CNTNAP2: variants seen among roughly 807,000 people sequenced by gnomAD.
The protein encoded by CNTNAP2 is contactin-associated protein-like 2.
Under a neutral mutation model 155.2 loss-of-function variants are expected in CNTNAP2, and 98 were observed. That is an observed-to-expected ratio of 0.63 (90% CI 0.54 to 0.75). The LOEUF is 0.75. Ranked by LOEUF, CNTNAP2 falls within the 30% of genes least tolerant of loss-of-function variation. The probability of loss-of-function intolerance (pLI) is 0.00; values close to 1 mark genes in which losing one functional copy is unlikely to be tolerated. For synonymous variants in CNTNAP2, 651 were observed against 631.2 expected (o/e 1.03, Z -0.47); for missense variants, 1,727 against 1,688.1 (o/e 1.02, Z -0.40).
chr7:147,777,433 GAC>G (rs1431333993), intron 13 of CNTNAP2, among the ~76,000 whole-genome samples: 3 of 152,154 alleles, frequency 2.0e-5, no homozygotes, highest in Admixed American at 6.5e-5. Flanking sequence ...CACCGACTCA[GAC>G]ACATACAAAT....
chr7:146,791,340 G>T (rs191759602), intron 2 of CNTNAP2, among the ~76,000 whole-genome samples: 23 of 152,274 alleles, frequency 1.5e-4, no homozygotes, highest in African/African-American at 5.5e-4. Context: ...CAGTCTATCA[G>T]TGATGGGCAT....
chr7:148,215,844 C>T (rs1217469309), intron 18 of CNTNAP2, among the ~76,000 whole-genome samples: 2 of 152,168 alleles, frequency 1.3e-5, no homozygotes, highest in Non-Finnish European at 2.9e-5. Flanking sequence ...CGTCGGACTT[C>T]GCTGCTCTGT....
intron 1 of CNTNAP2, among the ~76,000 whole-genome samples, chr7:146,323,173 A>G (rs1300164984): frequency 6.6e-6 from 1 of 152,166 alleles, no homozygotes; most frequent in Non-Finnish European, 1.5e-5. Context: ...TTCTTCAGCA[A>G]AGCATACCAG....
chr7:146,800,872 A>G (rs1198563651), intron 2 of CNTNAP2, among the ~76,000 whole-genome samples: 1 of 152,090 alleles, frequency 6.6e-6, no homozygotes, highest in Non-Finnish European at 1.5e-5. Context: ...AGAAGGTGTC[A>G]GGAGTAGAGA....
intron 18 of CNTNAP2, among the ~76,000 whole-genome samples, chr7:148,175,746 C>A (rs149163012): frequency 6.6e-6 from 1 of 152,086 alleles, no homozygotes; most frequent in African/African-American, 2.4e-5. Flanking sequence ...CTAAGTCTCA[C>A]CCCTGTATAT....
At chr7:148,136,380 T>G (rs1804949891) in intron 16 of CNTNAP2, among the ~76,000 whole-genome samples, 1 of 151,974 alleles carries the variant, frequency 6.6e-6, no homozygotes, top group African/African-American at 2.4e-5. Context: ...TCTGGTTGTT[T>G]TAAAGAGCTT....
chr7:147,837,096 G>A (rs1336660731), intron 13 of CNTNAP2, among the ~76,000 whole-genome samples: 1 of 152,144 alleles, frequency 6.6e-6, no homozygotes, highest in African/African-American at 2.4e-5. Context: ...CAATAAGCAT[G>A]TTGGGTACCG....
At chr7:147,255,171 GGTT>G (rs1286178363) in intron 8 of CNTNAP2, among the ~76,000 whole-genome samples, 1 of 151,956 alleles carries the variant, frequency 6.6e-6, no homozygotes, top group African/African-American at 2.4e-5. Context: ...TTACCTTTTT[GGTT>G]GTTTACCTTT....
chr7:147,142,141 T>C (rs1283515605), intron 8 of CNTNAP2, among the ~76,000 whole-genome samples: 1 of 152,202 alleles, frequency 6.6e-6, no homozygotes, highest in Non-Finnish European at 1.5e-5. Context: ...AGGGTATCCC[T>C]GTCTTGTGCC....
chr7:146,466,742 C>A (rs908042711), intron 1 of CNTNAP2, among the ~76,000 whole-genome samples: 3 of 152,126 alleles, frequency 2.0e-5, no homozygotes, highest in Non-Finnish European at 2.9e-5. Context: ...CATTGAAAAG[C>A]CTGATTAGGC....
At chr7:148,096,055 G>A (rs999562733) in intron 15 of CNTNAP2, among the ~76,000 whole-genome samples, 1 of 152,150 alleles carries the variant, frequency 6.6e-6, no homozygotes, top group African/African-American at 2.4e-5. Flanking sequence ...TTTTTACTAA[G>A]TACTTTCCAA....
intron 3 of CNTNAP2, among the ~76,000 whole-genome samples, chr7:146,932,381 C>G (rs1185224126): frequency 6.6e-6 from 1 of 151,664 alleles, no homozygotes; most frequent in Non-Finnish European, 1.5e-5. Context: ...TGACAAAATT[C>G]AACAACCCTT....
At chr7:147,264,591 A>G (rs1044584639) in intron 8 of CNTNAP2, among the ~76,000 whole-genome samples, 3 of 150,356 alleles carry the variant, frequency 2.0e-5, no homozygotes, top group South Asian at 4.2e-4. Flanking sequence ...GCTCCAGGCT[A>G]GCCTCGTCAA....
At position 146,253,321 on chromosome 7, in the gene CNTNAP2, T is replaced by C. The variant is rs144456150; in HGVS notation, c.97+136348T>C. 2.8e-3 allele frequency among the ~76,000 whole-genome samples: 429 copies of C among 152,338 alleles called. 1 individual carries two copies. Among genetic ancestry groups the C allele is most frequent in the Middle Eastern group, 6.8e-3 (2 of 294 alleles). On this transcript the variant is annotated intron_variant, in intron 1 of 23. Coordinates refer to ENST00000361727, the MANE Select transcript of CNTNAP2 (RefSeq NM_014141.6). Reference sequence around the variant, plus strand: ...CAAATTCTGTTTCTCTTCTAATGACTCTTCTAGACGCAGTCCTCTGCCACC... The same window carrying C: ...CAAATTCTGTTTCTCTTCTAATGACCCTTCTAGACGCAGTCCTCTGCCACC...
At chr7:147,011,589 C>T (rs543153651) in intron 3 of CNTNAP2, among the ~76,000 whole-genome samples, 1 of 152,156 alleles carries the variant, frequency 6.6e-6, no homozygotes, top group Non-Finnish European at 1.5e-5. Flanking sequence ...GTGAAGGCCT[C>T]AGAAGCAGCC....
intron 13 of CNTNAP2, among the ~76,000 whole-genome samples, chr7:147,870,164 T>C (rs1454541663): frequency 6.6e-6 from 1 of 152,112 alleles, no homozygotes; most frequent in Admixed American, 6.5e-5. Context: ...AAGAGATTTA[T>C]GGTATTGATC....
chr7:147,795,303 G>A (rs1797876133), intron 13 of CNTNAP2, among the ~76,000 whole-genome samples: 1 of 151,472 alleles, frequency 6.6e-6, no homozygotes, highest in South Asian at 2.1e-4. Context: ...CACAATTTCT[G>A]CCTTTTAATT....
intron 11 of CNTNAP2, among the ~76,000 whole-genome samples, chr7:147,546,151 C>G (rs1373453233): frequency 6.6e-6 from 1 of 152,066 alleles, no homozygotes; most frequent in Non-Finnish European, 1.5e-5. Flanking sequence ...TCTCTTTAAT[C>G]AAAACAAGCC....
At chr7:147,125,901 CA>C (rs1165318799) in intron 6 of CNTNAP2, among the ~76,000 whole-genome samples, 1 of 152,166 alleles carries the variant, frequency 6.6e-6, no homozygotes, top group Non-Finnish European at 1.5e-5. Context: ...AGACTGGAGG[CA>C]AATGGCTGCT....
Sources: allele counts gnomAD v4.1 joint callset (sites outside exome capture counted in the v4.1 genomes callset), GRCh38; gene constraint gnomAD v4.1.1; transcripts MANE v1.5; gene names NCBI Gene and HGNC (gene_info 2026-07-23, HGNC 2026-07-21).